Variants in WDR45 observed in about 807,000 individuals in gnomAD.
WDR45 encodes the protein WD repeat domain 45.
WDR45 carries 2 observed loss-of-function variants against 27.3 expected under a neutral mutation model. That is an observed-to-expected ratio of 0.07 (90% CI 0.03 to 0.23). WDR45 has a LOEUF of 0.23. Among genes scored for constraint, WDR45 ranks in the 10% least tolerant of loss-of-function variants. The pLI, the probability that WDR45 is intolerant of heterozygous loss-of-function variation, is 1.00. For synonymous variants in WDR45, 99 were observed against 119.2 expected, an observed-to-expected ratio of 0.83 and a Z score of 1.11; for missense variants, 175 against 311.9, an observed-to-expected ratio of 0.56 and a Z score of 3.31.
At chrX:49,098,092 C>T (rs1290340273) in intron 2 of WDR45, among the ~76,000 whole-genome samples, 1 of 112,105 alleles carries the variant, frequency 8.9e-6, no homozygotes, top group Non-Finnish European at 1.9e-5. Flanking sequence ...GCTGGGACCA[C>T]AAGTGTGTAC....
chrX:49,092,070 A>G (rs1175529620), intron 2 of WDR45, among the ~76,000 whole-genome samples: 3 of 90,212 alleles, frequency 3.3e-5, no homozygotes, highest in Non-Finnish European at 6.4e-5. Flanking sequence ...GCAGTGAGCG[A>G]GACCACGCCA....
chrX:49,082,722 CT>C (rs1475004492), upstream of WDR45, among the ~76,000 whole-genome samples: 3 of 109,292 alleles, frequency 2.7e-5, no homozygotes, highest in African/African-American at 6.6e-5. Context: ...TTCTTTCTTT[CT>C]TTTTTTTTAA....
intron 2 of WDR45, among the ~76,000 whole-genome samples, chrX:49,098,704 G>C (rs2065134840): frequency 9.1e-6 from 1 of 110,106 alleles, no homozygotes; most frequent in African/African-American, 3.3e-5. Flanking sequence ...CTACTTGGGG[G>C]GCTGAGGTGG....
intron 2 of WDR45, among the ~76,000 whole-genome samples, chrX:49,091,755 C>CAAAAAA (rs1162476660): frequency 1.4e-4 from 5 of 35,197 alleles, no homozygotes; most frequent in African/African-American, 7.8e-4. Flanking sequence ...GACTCCGTCT[C>CAAAAAA]AAAAAAAAAA....
chrX:49,079,426 A>G (rs1469748664), intron 1 of WDR45, among the ~76,000 whole-genome samples: 2 of 107,644 alleles, frequency 1.9e-5, no homozygotes, highest in African/African-American at 3.4e-5. Context: ...CTTCCCTTCA[A>G]ATCCTCAACT....
At chrX:49,091,504 C>G (rs1385165824) in intron 2 of WDR45, among the ~76,000 whole-genome samples, 2 of 103,053 alleles carry the variant, frequency 1.9e-5, no homozygotes, top group Non-Finnish European at 3.9e-5. Context: ...AATCCCAGCA[C>G]TTTGGGAGGC....
chrX:49,098,900 C>T (rs1222784896), intron 2 of WDR45, among the ~76,000 whole-genome samples: 2 of 112,097 alleles, frequency 1.8e-5, no homozygotes, highest in African/African-American at 6.5e-5. Flanking sequence ...AACAATGCAC[C>T]CCTCACTTCC....
At position 49,076,895 on chromosome X, in the gene WDR45, A is replaced by T. The variant is rs2065041408; in HGVS notation, c.236-145T>A. 3 of 486,569 alleles carry T rather than the reference A, an allele frequency of 6.2e-6. No homozygotes were observed. In the Admixed American group the frequency reaches 9.5e-5, roughly 15 times the overall value. The allele number at this position is 486,569 out of a possible 1,213,427, so 40.1% of individuals were successfully genotyped here. On this transcript the variant is annotated intron_variant, in intron 4 of 10. Coordinates refer to ENST00000376372, the MANE Select transcript of WDR45 (RefSeq NM_001029896.2). ...ACAACCAGTGAGATCCTCGCACAGC[A>T]CGAGCACTTGTGGATATGATCCCTG...
chrX:49,100,263 T>A (rs782401416), exon 2 of WDR45: 1 of 107,264 alleles, frequency 9.3e-6, no homozygotes, highest in East Asian at 2.9e-4. Context: ...GAGACGTAGT[T>A]TCGCTCTGTC....
At chrX:49,091,646 G>A (rs1304335015) in intron 2 of WDR45, among the ~76,000 whole-genome samples, 1 of 98,398 alleles carries the variant, frequency 1.0e-5, no homozygotes, top group African/African-American at 3.7e-5. Context: ...CTACTCGGGA[G>A]GCTGAGGCAG....
chrX:49,088,265 G>A (rs1557086196), intron 2 of WDR45, among the ~76,000 whole-genome samples: 3 of 111,451 alleles, frequency 2.7e-5, no homozygotes. Context: ...AAGTTAGCTG[G>A]GCGTGGTGGC....
At chrX:49,086,381 G>C (rs1462232003) in intron 2 of WDR45, among the ~76,000 whole-genome samples, 1 of 111,069 alleles carries the variant, frequency 9.0e-6, no homozygotes, top group East Asian at 2.8e-4. Flanking sequence ...TCGAACTCCT[G>C]ACCTCAAGTG....
chrX:49,075,676 C>T lies in WDR45; in HGVS notation c.594G>A (p.Val198=). The T allele has an allele frequency of 8.3e-7, 1 of 1,211,474 alleles. No individual in the cohort carries two copies. Among genetic ancestry groups the T allele is most frequent in the South Asian group, 1.8e-5 (1 of 56,934 alleles). Residue 198 remains valine (V), a synonymous_variant, in exon 8 of 11, where the codon GTG becomes GTA. Transcript: ENST00000376372. ...INAHQSDIAC[V]SLNQPGTVVA... ...CTACAGTGCCTGGCTGGTTTAGAGA[C>T]ACACAGGCTATGTCACTCTGATGTG...
Position 49,076,144 on chromosome X carries a change from AGCT to A in WDR45, c.437-202_437-200del, listed in dbSNP as rs781990703. On this transcript the variant is annotated intron_variant, in intron 6 of 10. Coordinates refer to ENST00000376372, the MANE Select transcript of WDR45 (RefSeq NM_001029896.2). ...TGCTCTGCAGCTGTGGAATCTAGTA[AGCT>A]GCTATCACAGCCCCAGAAGCTCAGG... is the stretch of plus-strand genomic sequence containing the variant. The A allele has an allele frequency of 2.7e-4, 128 of 466,371 alleles. 1 individual carries two copies. In the African/African-American group the frequency reaches 3.0e-3, roughly 11 times the overall value. The allele number at this position is 466,371 out of a possible 1,213,427, so 38.4% of individuals were successfully genotyped here.
intron 6 of WDR45, 23 bp from the exon 7 acceptor site, chrX:49,075,968 G>A: frequency 8.6e-7 from 1 of 1,162,830 alleles, no homozygotes; most frequent in Non-Finnish European, 1.2e-6. Flanking sequence ...GATGGGGGGT[G>A]GGGTGGGCGG....
chrX:49,093,698 C>T (rs1236587673), intron 2 of WDR45, among the ~76,000 whole-genome samples: 1 of 109,572 alleles, frequency 9.1e-6, no homozygotes, highest in African/African-American at 3.3e-5. Flanking sequence ...CTTCACCATG[C>T]CCAGCTTTTT....
At chrX:49,096,231 A>C (rs1366635148) in intron 2 of WDR45, among the ~76,000 whole-genome samples, 4 of 109,745 alleles carry the variant, frequency 3.6e-5, no homozygotes, top group East Asian at 2.8e-4. Flanking sequence ...ACTCTTGCTT[A>C]TCTCTCTCTC....
At chrX:49,081,186 G>A (rs1260312468), upstream of WDR45, among the ~76,000 whole-genome samples, 5 of 106,128 alleles carry the variant, frequency 4.7e-5, no homozygotes, top group Admixed American at 3.0e-4. Flanking sequence ...GATTACAGGC[G>A]TGAGCCACTG....
rs141499308 is a variant in WDR45 at position 49,076,289 on chromosome X, G to C, written c.436+141C>G. The C allele has an allele frequency of 6.4e-3, 4,262 of 667,611 alleles. 128 individuals carry two copies. The African/African-American group carries it at 0.082, about 13-fold the overall frequency. 55.0% of individuals were successfully genotyped at this position (667,611 alleles called of 1,213,427 possible). Reference sequence around the variant, plus strand: ...ACTGGCTGAGGGCTGGAAAGATGGAGAGGCTATGAGTGTGAGCATCTCCCT... The same window carrying C: ...ACTGGCTGAGGGCTGGAAAGATGGACAGGCTATGAGTGTGAGCATCTCCCT... On this transcript the variant is annotated intron_variant, in intron 6 of 10. Coordinates refer to ENST00000376372, the MANE Select transcript of WDR45 (RefSeq NM_001029896.2).
Sources: gnomAD v4.1 joint callset for allele counts (sites outside exome capture counted in the v4.1 genomes callset) on GRCh38, gnomAD v4.1.1 for gene constraint, MANE v1.5 for transcripts, NCBI Gene and HGNC (gene_info 2026-07-23, HGNC 2026-07-21) for gene names.